The following FERMT1 variants were observed in gnomAD, a reference collection of about 807,000 sequenced individuals.
The protein encoded by FERMT1 is fermitin family homolog 1.
FERMT1 carries 60 observed loss-of-function variants against 85.3 expected under a neutral mutation model. That is an observed-to-expected ratio of 0.70 (90% CI 0.57 to 0.87). The LOEUF (loss-of-function observed/expected upper bound fraction) is 0.87. Ranked by LOEUF, FERMT1 falls within the 40% of genes least tolerant of loss-of-function variation. The pLI, the probability that FERMT1 is intolerant of heterozygous loss-of-function variation, is 0.00. For synonymous variants in FERMT1, 275 were observed against 301.1 expected (o/e 0.91, Z 0.90); for missense variants, 701 against 818.9 (o/e 0.86, Z 1.76).
intron 6 of FERMT1, among the ~76,000 whole-genome samples, chr20:6,101,147 G>T (rs1314177223): frequency 6.6e-6 from 1 of 152,190 alleles, no homozygotes; most frequent in Non-Finnish European, 1.5e-5. Flanking sequence ...TGTTGGTGAG[G>T]ATGTGGGGAT....
Position 6,089,054 on chromosome 20 carries a change from T to C in FERMT1, c.1175A>G (p.Tyr392Cys). Residue 392 changes from tyrosine (Y) to cysteine (C), a missense_variant, in exon 10 of 15, where the codon TAT becomes TGT. Coordinates refer to ENST00000217289, the MANE Select transcript of FERMT1 (RefSeq NM_017671.5). Reference sequence around the variant, plus strand: ...GGATGTGTCTTTAAAGATAAACCAATATTGTTTGAAAGCTTTTGGTAGTAA... The same window carrying C: ...GGATGTGTCTTTAAAGATAAACCAACATTGTTTGAAAGCTTTTGGTAGTAA... ...KKLLPKAFKQYWFIFKDTSIA... is the reference protein window; with the variant it reads ...KKLLPKAFKQCWFIFKDTSIA... 3 of 1,612,230 alleles carry C rather than the reference T, an allele frequency of 1.9e-6. No individual in the cohort carries two copies. The highest frequency in any genetic ancestry group is 1.1e-5 in the South Asian group (1 of 91,044).
Position 6,075,140 on chromosome 20 carries a change from A to G in FERMT1, c.*2033T>C, listed in dbSNP as rs1392994467. The G allele has an allele frequency of 6.6e-6, 1 of 152,020 alleles. No individual in the cohort carries two copies. The highest frequency in any genetic ancestry group is 1.5e-5 in the Non-Finnish European group (1 of 67,988). The allele number at this position is 152,020 out of a possible 1,614,324, so 9.4% of individuals were successfully genotyped here. A position where few individuals can be genotyped will look rare whatever the true frequency, so the allele number is the denominator to read the frequency against. ...GCTCCCCTGAAAACTGTAACCAAAC[A>G]AAGTTTGGTTAAAACAAAGTTGGTT... On this transcript the variant is annotated 3_prime_UTR_variant, in exon 15 of 15. Coordinates refer to ENST00000217289, the MANE Select transcript of FERMT1 (RefSeq NM_017671.5).
At chr20:6,107,039 C>G (rs1348053542) in intron 6 of FERMT1, among the ~76,000 whole-genome samples, 1 of 151,888 alleles carries the variant, frequency 6.6e-6, no homozygotes, top group Non-Finnish European at 1.5e-5. Context: ...TTACTAAAAA[C>G]ATAAAAATTA....
chr20:6,118,224 T>C (rs551685609), intron 2 of FERMT1, among the ~76,000 whole-genome samples: 1 of 152,252 alleles, frequency 6.6e-6, no homozygotes, highest in South Asian at 2.1e-4. Flanking sequence ...ACCAAAACAA[T>C]ATGCAACAGT....
intron 8 of FERMT1, 46 bp downstream of exon 8, chr20:6,096,852 TGTCA>T (rs1982513653): frequency 6.4e-7 from 1 of 1,569,166 alleles, no homozygotes; most frequent in African/African-American, 1.4e-5. Context: ...CATTTATACT[TGTCA>T]ATCAGAAGAA....
At chr20:6,096,760 A>G (rs924522255) in intron 8 of FERMT1, 142 bp downstream of exon 8, 4 of 922,930 alleles carry the variant, frequency 4.3e-6, no homozygotes, top group Non-Finnish European at 6.6e-6. Context: ...CACTAGGTTG[A>G]AGCTTGTTAG....
chr20:6,089,753 A>G (rs1982296019), intron 9 of FERMT1, among the ~76,000 whole-genome samples: 1 of 152,170 alleles, frequency 6.6e-6, no homozygotes, highest in Non-Finnish European at 1.5e-5. Context: ...ATTTTGGGGA[A>G]AGGTATCCAG....
intron 4 of FERMT1, among the ~76,000 whole-genome samples, chr20:6,112,095 C>G (rs1982967244): frequency 1.3e-5 from 2 of 151,978 alleles, no homozygotes. Context: ...AGGCTGGTCT[C>G]AAACTTCTGA....
At position 6,076,621 on chromosome 20, in the gene FERMT1, C is replaced by T. The variant is rs1454219894; in HGVS notation, c.*552G>A. 1 of 384,246 alleles carries T rather than the reference C, an allele frequency of 2.6e-6. No homozygotes were observed. Among genetic ancestry groups the T allele is most frequent in the East Asian group, 7.4e-5 (1 of 13,494 alleles). The allele number at this position is 384,246 out of a possible 1,614,324, so 23.8% of individuals were successfully genotyped here. Reference sequence around the variant, plus strand: ...GTTGTCAACTGCTACCTGGTAGCCCCACCCCTCCCCTTTCTACCCCTAGAC... The same window carrying T: ...GTTGTCAACTGCTACCTGGTAGCCCTACCCCTCCCCTTTCTACCCCTAGAC... On this transcript the variant is annotated 3_prime_UTR_variant, in exon 15 of 15. Transcript: ENST00000217289.
chr20:6,093,375 C>T (rs1384987257), intron 9 of FERMT1, among the ~76,000 whole-genome samples: 2 of 152,158 alleles, frequency 1.3e-5, no homozygotes, highest in Non-Finnish European at 2.9e-5. Context: ...GAGTATAAGT[C>T]ACACCGAAAG....
rs1348179042 is a variant in FERMT1 at position 6,104,166 on chromosome 20, C to T, written c.849+3366G>A. Among the ~76,000 whole-genome samples the T allele has an allele frequency of 2.0e-5, 3 of 152,066 alleles. No individual in the cohort carries two copies. The highest frequency in any genetic ancestry group is 1.9e-4 in the East Asian group (1 of 5,184). On this transcript the variant is annotated intron_variant, in intron 6 of 14. Transcript: ENST00000217289. This position sits in a 1 kb window ranked among gnomAD's most constrained non-coding sequence, Gnocchi z 4.2. ...GATTACAGGCATGAGCCCCTGCGCC[C>T]GGCTGAGTCTATTATTTTTGAAATG...
intron 14 of FERMT1, 50 bp from the exon 15 acceptor site, chr20:6,077,396 A>T: frequency 6.4e-7 from 1 of 1,555,412 alleles, no homozygotes; most frequent in Non-Finnish European, 8.7e-7. Context: ...GGAATGATGA[A>T]AAAAAAAGTG....
intron 14 of FERMT1, 127 bp downstream of exon 14, chr20:6,079,309 G>GT: frequency 9.8e-7 from 1 of 1,024,244 alleles, no homozygotes; most frequent in South Asian, 1.3e-5. Flanking sequence ...CAGACAGACA[G>GT]TTACCATATG....
intron 13 of FERMT1, among the ~76,000 whole-genome samples, chr20:6,083,338 T>G (rs945996136): frequency 1.3e-5 from 2 of 152,076 alleles, no homozygotes; most frequent in Non-Finnish European, 2.9e-5. Flanking sequence ...TAAGCTGTCT[T>G]TCTGGGGGCA....
chr20:6,108,809 CAAAA>C (rs11434994), intron 5 of FERMT1, among the ~76,000 whole-genome samples: 3 of 94,320 alleles, frequency 3.2e-5, no homozygotes, highest in Middle Eastern at 6.2e-3. Flanking sequence ...GACTCTGTCT[CAAAA>C]AAAAAAAAAA....
Position 6,115,953 on chromosome 20 carries a change from C to A in FERMT1, c.243G>T (p.Gly81=). 1 of 1,614,086 alleles carries A rather than the reference C, an allele frequency of 6.2e-7. No individual in the cohort carries two copies. Among genetic ancestry groups the A allele is most frequent in the African/African-American group, 1.3e-5 (1 of 75,000 alleles). The change falls in exon 3 of 15, where the codon GGG becomes GGT. Residue 81 remains glycine (G), a synonymous_variant. Coordinates refer to ENST00000217289, the MANE Select transcript of FERMT1 (RefSeq NM_017671.5). ...LKTHWTLDKY[G]VQADAKLLFT... Reference sequence around the variant, plus strand: ...AGAGAAGCTTTGCATCTGCCTGGACCCCATATTTGTCCAGGGTCCAGTGGG... The same window carrying A: ...AGAGAAGCTTTGCATCTGCCTGGACACCATATTTGTCCAGGGTCCAGTGGG...
At chr20:6,109,508 G>C (rs1982886867) in intron 5 of FERMT1, among the ~76,000 whole-genome samples, 1 of 152,170 alleles carries the variant, frequency 6.6e-6, no homozygotes, top group Non-Finnish European at 1.5e-5. Context: ...GTAGGCAATG[G>C]GGAACAACAG....
chr20:6,084,232 C>G, intron 12 of FERMT1, 68 bp from the exon 13 acceptor site: 1 of 1,537,138 alleles, frequency 6.5e-7, no homozygotes, highest in Non-Finnish European at 8.8e-7. Flanking sequence ...CTGTTAGCTC[C>G]AGATCCCCCA....
chr20:6,086,741 C>T (rs571142599), intron 11 of FERMT1, among the ~76,000 whole-genome samples: 13 of 152,220 alleles, frequency 8.5e-5, no homozygotes, highest in African/African-American at 2.9e-4. Flanking sequence ...CCCCTTCACT[C>T]TCTCCCTCTC....
Sources: allele counts gnomAD v4.1 joint callset (sites outside exome capture counted in the v4.1 genomes callset), GRCh38; gene constraint gnomAD v4.1.1; non-coding constraint Gnocchi (gnomAD v3.1); transcripts MANE v1.5; gene names NCBI Gene and HGNC (gene_info 2026-07-23, HGNC 2026-07-21).